Variants in ANKFN1 observed in about 807,000 individuals in gnomAD.
ANKFN1 encodes the protein ankyrin repeat and fibronectin type-III domain-containing protein 1.
Under a neutral mutation model 108.7 loss-of-function variants are expected in ANKFN1, and 74 were observed. That is an observed-to-expected ratio of 0.68 (90% CI 0.56 to 0.83). The LOEUF (loss-of-function observed/expected upper bound fraction) is 0.83, where lower values mean the gene tolerates loss of function less well. ANKFN1 is among the 40% of genes least tolerant of loss of function. ANKFN1 has a pLI of 0.00. For synonymous variants in ANKFN1, 547 were observed against 516.2 expected, an observed-to-expected ratio of 1.06 and a Z score of -0.81; for missense variants, 1,505 against 1,382.3, an observed-to-expected ratio of 1.09 and a Z score of -1.41.
At chr17:56,230,285 A>T (rs975122505) in intron 3 of ANKFN1, among the ~76,000 whole-genome samples, 2 of 151,864 alleles carry the variant, frequency 1.3e-5, no homozygotes, top group South Asian at 4.1e-4. Context: ...GTCCCAGTTC[A>T]CTCCTTCAGT....
chr17:56,400,016 T>G (rs1598531465), intron 8 of ANKFN1, among the ~76,000 whole-genome samples: 1 of 151,554 alleles, frequency 6.6e-6, no homozygotes, highest in East Asian at 1.9e-4. Flanking sequence ...TCCACGATTT[T>G]GCAATTGTGA....
chr17:56,314,265 T>A (rs2045132034), intron 3 of ANKFN1, among the ~76,000 whole-genome samples: 1 of 152,200 alleles, frequency 6.6e-6, no homozygotes, highest in African/African-American at 2.4e-5. Flanking sequence ...GAGCATTTAT[T>A]TCTCTTTCTT....
At chr17:56,356,824 C>G (rs879353778) in intron 6 of ANKFN1, among the ~76,000 whole-genome samples, 4 of 152,114 alleles carry the variant, frequency 2.6e-5, no homozygotes, top group Non-Finnish European at 4.4e-5. Flanking sequence ...TCTACAGGAA[C>G]AAGGAGACCA....
At chr17:56,499,229 T>C in intron 20 of ANKFN1, 131 bp downstream of exon 20, 1 of 843,882 alleles carries the variant, frequency 1.2e-6, no homozygotes. Context: ...GGTAAGAGTC[T>C]AACAGCATAG....
intron 4 of ANKFN1, among the ~76,000 whole-genome samples, chr17:56,055,563 ATACATATATATATATATATATATATG>A (rs1409186507): frequency 4.7e-5 from 4 of 85,228 alleles, no homozygotes; most frequent in African/African-American, 6.7e-5. Flanking sequence ...TGTGGTATAT[ATACATATATATATATATATATATATG>A]TATATATACA....
At chr17:56,467,676 T>TG (rs1555660396) in intron 15 of ANKFN1, among the ~76,000 whole-genome samples, 15 of 74,186 alleles carry the variant, frequency 2.0e-4, no homozygotes, top group African/African-American at 6.5e-4. Context: ...GAATCCATCT[T>TG]AAAAAAAAAA....
upstream of ANKFN1, among the ~76,000 whole-genome samples, chr17:56,153,258 C>G (rs544944366): frequency 6.6e-6 from 1 of 152,194 alleles, no homozygotes; most frequent in Non-Finnish European, 1.5e-5. Context: ...ATATTTTTCA[C>G]CATTTCTTTC....
intron 8 of ANKFN1, among the ~76,000 whole-genome samples, chr17:56,382,768 A>G (rs1381743322): frequency 1.3e-5 from 2 of 152,250 alleles, no homozygotes; most frequent in Non-Finnish European, 2.9e-5. Context: ...CAACTCAACA[A>G]GAAGAGCTAA....
At chr17:56,155,993 C>A (rs535473004) in intron 1 of ANKFN1, among the ~76,000 whole-genome samples, 77 of 152,072 alleles carry the variant, frequency 5.1e-4, no homozygotes, top group African/African-American at 1.7e-3. Flanking sequence ...GGATTTGAAT[C>A]CTGATCTTGA....
chr17:56,105,889 G>T (rs1409817049), intron 4 of ANKFN1, among the ~76,000 whole-genome samples: 1 of 151,980 alleles, frequency 6.6e-6, no homozygotes, highest in African/African-American at 2.4e-5. Flanking sequence ...AGAGGATAGT[G>T]GTGGTGTTAC....
At chr17:56,298,229 T>C (rs1255286047) in intron 3 of ANKFN1, among the ~76,000 whole-genome samples, 1 of 152,192 alleles carries the variant, frequency 6.6e-6, no homozygotes, top group Non-Finnish European at 1.5e-5. Context: ...TGGAAGAAAA[T>C]GCACCAAAAG....
At chr17:56,160,103 A>C (rs369016782) in intron 1 of ANKFN1, among the ~76,000 whole-genome samples, 1 of 152,354 alleles carries the variant, frequency 6.6e-6, no homozygotes, top group East Asian at 1.9e-4. Context: ...AGATTAATAC[A>C]TGTGGTTCTA....
At chr17:56,262,422 A>G (rs976962850) in intron 3 of ANKFN1, among the ~76,000 whole-genome samples, 1 of 152,222 alleles carries the variant, frequency 6.6e-6, no homozygotes, top group Admixed American at 6.5e-5. Context: ...AAAGGGATTA[A>G]GAGAAATTTG....
intron 8 of ANKFN1, among the ~76,000 whole-genome samples, chr17:56,428,088 G>A (rs1184354429): frequency 6.6e-6 from 1 of 151,944 alleles, no homozygotes; most frequent in African/African-American, 2.4e-5. Flanking sequence ...CAAAAAATTA[G>A]CCAGGCATGG....
intron 2 of ANKFN1, among the ~76,000 whole-genome samples, chr17:56,223,287 T>A (rs1003151017): frequency 2.6e-5 from 4 of 152,242 alleles, no homozygotes; most frequent in Non-Finnish European, 5.9e-5. Context: ...CACTTCTTTG[T>A]GTGCTTCAAA....
intron 3 of ANKFN1, among the ~76,000 whole-genome samples, chr17:56,302,592 AAC>A (rs2144377584): frequency 6.6e-6 from 1 of 152,246 alleles, no homozygotes; most frequent in Non-Finnish European, 1.5e-5. Flanking sequence ...GTCTAATTAC[AAC>A]AAAAGTTCTT....
At chr17:56,393,983 T>C (rs1355302221) in intron 8 of ANKFN1, among the ~76,000 whole-genome samples, 1 of 152,220 alleles carries the variant, frequency 6.6e-6, no homozygotes, top group Admixed American at 6.5e-5. Context: ...CACAAGCCTC[T>C]GAGTATGCAG....
chr17:56,454,372 A>C (rs144632035), intron 11 of ANKFN1, among the ~76,000 whole-genome samples: 55 of 152,302 alleles, frequency 3.6e-4, no homozygotes, highest in African/African-American at 1.2e-3. Context: ...TCAGAATATT[A>C]ATGATAGGCT....
At chr17:56,460,285 T>A (rs1021710069) in intron 14 of ANKFN1, among the ~76,000 whole-genome samples, 1 of 152,022 alleles carries the variant, frequency 6.6e-6, no homozygotes, top group African/African-American at 2.4e-5. Flanking sequence ...AAACCCCATC[T>A]CTACCAAAAA....
Sources: allele counts gnomAD v4.1 joint callset (sites outside exome capture counted in the v4.1 genomes callset), GRCh38; gene constraint gnomAD v4.1.1; transcripts MANE v1.5; gene names NCBI Gene and HGNC (gene_info 2026-07-23, HGNC 2026-07-21).